The following LRBA variants were observed in gnomAD, a reference collection of about 807,000 sequenced individuals.
LRBA encodes the protein lipopolysaccharide-responsive and beige-like anchor protein.
A neutral mutation model predicts 330.0 loss-of-function variants in LRBA; 176 were observed. The ratio of observed to expected loss-of-function variants is 0.53; its 90% CI spans 0.47 to 0.60. The LOEUF is 0.60. Among genes scored for constraint, LRBA ranks in the 20% least tolerant of loss-of-function variants. The pLI is 0.00. For synonymous variants in LRBA, 1,230 were observed against 1,193.0 expected (o/e 1.03, Z -0.64); for missense variants, 3,259 against 3,444.8 (o/e 0.95, Z 1.35).
At chr4:150,275,956 A>C (rs1029972644) in intron 56 of LRBA, among the ~76,000 whole-genome samples, 3 of 152,194 alleles carry the variant, frequency 2.0e-5, no homozygotes, top group African/African-American at 7.2e-5. Context: ...TGGAACCAAA[A>C]AAGAGCCTGT....
chr4:150,698,595 G>C (rs141044823), intron 36 of LRBA, among the ~76,000 whole-genome samples: 10 of 152,236 alleles, frequency 6.6e-5, no homozygotes, highest in Non-Finnish European at 1.3e-4. Context: ...GTAAGCATCC[G>C]AGTAAAATAG....
chr4:150,794,932 G>A (rs1418908912), intron 34 of LRBA, among the ~76,000 whole-genome samples: 1 of 152,088 alleles, frequency 6.6e-6, no homozygotes, highest in Non-Finnish European at 1.5e-5. Flanking sequence ...CTCCGATAGT[G>A]GACTGTTGAG....
At chr4:150,793,084 C>CAA (rs1028271215) in intron 34 of LRBA, among the ~76,000 whole-genome samples, 2 of 131,242 alleles carry the variant, frequency 1.5e-5, no homozygotes, top group Non-Finnish European at 1.7e-5. Flanking sequence ...CCATCTCAAA[C>CAA]AAAAAAAAAA....
intron 36 of LRBA, among the ~76,000 whole-genome samples, chr4:150,688,423 GCAATGGC>G (rs1727858952): frequency 6.6e-6 from 1 of 152,150 alleles, no homozygotes; most frequent in African/African-American, 2.4e-5. Flanking sequence ...AACACCAAAA[GCAATGGC>G]AACATAAGTC....
At position 150,505,204 on chromosome 4, in the gene LRBA, G is replaced by C. The variant is rs547558715; in HGVS notation, c.6331-14169C>G. ...AAGTTAACAAGGATACCCAGGAACT[G>C]AACTCAGCTCTGCACCAAGCAGACC... On this transcript the variant is annotated intron_variant, in intron 40 of 56. Coordinates refer to ENST00000651943, the MANE Select transcript of LRBA (RefSeq NM_001364905.1). Among the ~76,000 whole-genome samples, 34 of 152,258 alleles carry C rather than the reference G, an allele frequency of 2.2e-4. No individual in the cohort carries two copies. In the East Asian group the frequency reaches 6.0e-3, roughly 27 times the overall value.
At chr4:150,780,616 TACATATATATAC>T (rs1480519760) in intron 34 of LRBA, among the ~76,000 whole-genome samples, 1 of 148,244 alleles carries the variant, frequency 6.7e-6, no homozygotes, top group African/African-American at 2.5e-5. Flanking sequence ...TATATATATA[TACATATATATAC>T]ACGTATATAT....
intron 47 of LRBA, among the ~76,000 whole-genome samples, chr4:150,395,680 C>A (rs1303963246): frequency 2.6e-5 from 4 of 152,104 alleles, no homozygotes; most frequent in Non-Finnish European, 5.9e-5. Flanking sequence ...TAAATGTGAC[C>A]TCAACTTAAC....
At chr4:150,740,393 CAGTT>C (rs532236303) in intron 35 of LRBA, among the ~76,000 whole-genome samples, 135 of 151,936 alleles carry the variant, frequency 8.9e-4, no homozygotes, top group South Asian at 3.1e-3. Context: ...ATAAAGTTAA[CAGTT>C]AGTTATTTGA....
At chr4:150,690,928 T>A (rs1320068368) in intron 36 of LRBA, among the ~76,000 whole-genome samples, 1 of 3,778 alleles carries the variant, frequency 2.6e-4, no homozygotes, top group Non-Finnish European at 3.6e-3. Context: ...ACACCTGGTC[T>A]TTTTTTTTTT....
intron 36 of LRBA, among the ~76,000 whole-genome samples, chr4:150,710,576 C>A (rs1786088284): frequency 1.3e-5 from 2 of 152,036 alleles, no homozygotes; most frequent in Admixed American, 1.3e-4. Context: ...AGATAATTTT[C>A]CATTCACAGA....
chr4:150,983,752 G>A (rs1259834686), intron 2 of LRBA, among the ~76,000 whole-genome samples: 1 of 151,490 alleles, frequency 6.6e-6, no homozygotes, highest in Admixed American at 6.6e-5. Flanking sequence ...ACCACGCCAG[G>A]CTGGCGAGTA....
At chr4:150,344,947 C>A (rs772726044) in intron 48 of LRBA, among the ~76,000 whole-genome samples, 1 of 152,100 alleles carries the variant, frequency 6.6e-6, no homozygotes, top group Non-Finnish European at 1.5e-5. Context: ...CCACATATAC[C>A]ATATTCTCTA....
chr4:150,266,277 TGAA>T (rs1745321255), intron 56 of LRBA, among the ~76,000 whole-genome samples: 1 of 152,142 alleles, frequency 6.6e-6, no homozygotes, highest in Non-Finnish European at 1.5e-5. Context: ...ACAGAATCAA[TGAA>T]GAGTGAAAAA....
chr4:150,423,729 C>T (rs1749146295), intron 46 of LRBA: 1 of 189,834 alleles, frequency 5.3e-6, no homozygotes, highest in South Asian at 1.1e-4. Context: ...AGAGATTTCT[C>T]AGCGCCACGG....
intron 40 of LRBA, among the ~76,000 whole-genome samples, chr4:150,523,366 G>A (rs191424899): frequency 4.6e-5 from 7 of 152,140 alleles, no homozygotes; most frequent in East Asian, 3.9e-4. Context: ...GGTTGAAGGG[G>A]CCACTATCTT....
chr4:150,803,503 A>T (rs1268962375), intron 33 of LRBA, among the ~76,000 whole-genome samples: 3 of 152,186 alleles, frequency 2.0e-5, no homozygotes, highest in East Asian at 1.9e-4. Context: ...GCATTTTTTT[A>T]AAAATTAAGA....
At chr4:150,365,921 T>A (rs982356218) in intron 47 of LRBA, among the ~76,000 whole-genome samples, 12 of 152,124 alleles carry the variant, frequency 7.9e-5, no homozygotes, top group African/African-American at 2.9e-4. Flanking sequence ...ATTTCCTACT[T>A]AAACATTTTC....
intron 47 of LRBA, among the ~76,000 whole-genome samples, chr4:150,360,808 A>G (rs552750146): frequency 6.6e-6 from 1 of 152,362 alleles, no homozygotes; most frequent in South Asian, 2.1e-4. Flanking sequence ...TGAAACAGAC[A>G]TAATGTCCTA....
chr4:150,308,911 A>G (rs1200272538), intron 52 of LRBA, among the ~76,000 whole-genome samples: 2 of 152,164 alleles, frequency 1.3e-5, no homozygotes, highest in East Asian at 3.8e-4. Flanking sequence ...ATTATTAGTA[A>G]AGAAAAAATT....
Sources: allele counts gnomAD v4.1 joint callset (sites outside exome capture counted in the v4.1 genomes callset), GRCh38; gene constraint gnomAD v4.1.1; transcripts MANE v1.5; gene names NCBI Gene and HGNC (gene_info 2026-07-23, HGNC 2026-07-21).